Variants in CSTF3 observed in about 807,000 individuals in gnomAD.
CSTF3 encodes cleavage stimulation factor subunit 3, also known as CF-1 77 kDa subunit.
CSTF3 carries 29 observed loss-of-function variants against 105.8 expected under a neutral mutation model. The observed-to-expected ratio is 0.27, with a 90% CI of 0.20 to 0.37. The LOEUF is 0.37. CSTF3 is among the 10% of genes least tolerant of loss of function. The probability of loss-of-function intolerance (pLI) is 1.00; values close to 1 mark genes in which losing one functional copy is unlikely to be tolerated. For synonymous variants in CSTF3, 252 were observed against 281.9 expected (o/e 0.89, Z 1.06); for missense variants, 357 against 879.3 (o/e 0.41, Z 7.51).
chr11:33,154,787 C>T (rs1015441627), intron 1 of CSTF3, among the ~76,000 whole-genome samples: 1 of 152,066 alleles, frequency 6.6e-6, no homozygotes, highest in Admixed American at 6.6e-5. Context: ...GCGTGAGCCA[C>T]GGTGCCGTGC....
At chr11:33,142,073 T>C in intron 1 of CSTF3, 87 bp from the exon 2 acceptor site, 2 of 1,574,328 alleles carry the variant, frequency 1.3e-6, no homozygotes, top group South Asian at 2.3e-5. Flanking sequence ...AGTCCTCAGA[T>C]GCAATGTCAC....
rs187217848 is a variant in CSTF3, at chr11:33,126,249, C to T, written c.225+15418G>A. On this transcript the variant is annotated intron_variant, in intron 3 of 20. Transcript: ENST00000323959. ...CTGAGGCGGGAGGATTGCTTGAGCC[C>T]GAGTTCAAGACTAGGCTGGGCAACT... is the stretch of plus-strand genomic sequence containing the variant. 1.9e-4 allele frequency among the ~76,000 whole-genome samples: 29 copies of T among 152,120 alleles called. 1 individual carries two copies. The East Asian group carries it at 4.6e-3, about 24-fold the overall frequency.
At chr11:33,150,219 T>TAAAAAAAAAAAAAAAAAAAAAAAAA (rs10714096) in intron 1 of CSTF3, among the ~76,000 whole-genome samples, 2 of 104,376 alleles carry the variant, frequency 1.9e-5, no homozygotes, top group East Asian at 2.8e-4. Context: ...TGTCTCAAAC[T>TAAAAAAAAAAAAAAAAAAAAAAAAA]AAAAAAAAAA....
chr11:33,101,321 G>A (rs1188958277), intron 10 of CSTF3, among the ~76,000 whole-genome samples: 1 of 152,168 alleles, frequency 6.6e-6, no homozygotes, highest in African/African-American at 2.4e-5. Flanking sequence ...CATACACAGG[G>A]AAGAATACAA....
chr11:33,091,731 C>G (rs1348959563), intron 16 of CSTF3, among the ~76,000 whole-genome samples: 1 of 152,040 alleles, frequency 6.6e-6, no homozygotes, highest in African/African-American at 2.4e-5. Context: ...GTTGTTGAGA[C>G]AGAGTCTCAC....
At chr11:33,121,209 T>A (rs921593293) in intron 3 of CSTF3, among the ~76,000 whole-genome samples, 13 of 151,882 alleles carry the variant, frequency 8.6e-5, no homozygotes, top group Admixed American at 4.6e-4. Flanking sequence ...AAAGAAAAAA[T>A]TCAGGTAAAT....
chr11:33,085,629 T>C, intron 20 of CSTF3, 84 bp downstream of exon 20: 1 of 1,279,458 alleles, frequency 7.8e-7, no homozygotes, highest in Non-Finnish European at 1.1e-6. Context: ...TTTCGAAAAC[T>C]TCAGTGGCAG....
At chr11:33,121,088 C>T (rs572893510) in intron 3 of CSTF3, among the ~76,000 whole-genome samples, 10 of 152,050 alleles carry the variant, frequency 6.6e-5, no homozygotes, top group African/African-American at 2.4e-4. Flanking sequence ...TGAATGAAAA[C>T]ATGATTTCTA....
intron 16 of CSTF3, among the ~76,000 whole-genome samples, chr11:33,091,072 G>A (rs1052909658): frequency 4.6e-5 from 7 of 152,092 alleles, no homozygotes; most frequent in Non-Finnish European, 1.5e-5. Flanking sequence ...TTACCTTAGA[G>A]AGGATAAACT....
At chr11:33,087,363 T>C (rs1855116630) in intron 17 of CSTF3, among the ~76,000 whole-genome samples, 1 of 152,176 alleles carries the variant, frequency 6.6e-6, no homozygotes, top group Non-Finnish European at 1.5e-5. Context: ...CCACACAAGT[T>C]ACAAGTCATT....
chr11:33,161,267 C>T, intron 1 of CSTF3, 32 bp downstream of exon 1: 1 of 1,612,174 alleles, frequency 6.2e-7, no homozygotes, highest in Non-Finnish European at 8.5e-7. Context: ...GAGAAGAGGT[C>T]GCCACGAGGC....
chr11:33,097,035 G>T, intron 13 of CSTF3, 57 bp from the exon 14 acceptor site: 1 of 1,295,168 alleles, frequency 7.7e-7, no homozygotes, highest in Non-Finnish European at 1.1e-6. Context: ...TCCTGCATAA[G>T]AAAGCAATCC....
intron 3 of CSTF3, among the ~76,000 whole-genome samples, chr11:33,133,035 C>T (rs1590279399): frequency 6.6e-6 from 1 of 151,988 alleles, no homozygotes; most frequent in Middle Eastern, 3.4e-3. Flanking sequence ...AATTGACAGG[C>T]ATCATTTACA....
rs572715766 is a variant in CSTF3 at position 33,093,044 on chromosome 11, A to T, written c.1376-704T>A. Among the ~76,000 whole-genome samples the T allele has an allele frequency of 4.6e-5, 7 of 152,360 alleles. No individual in the cohort carries two copies. The South Asian group carries it at 1.4e-3, about 32-fold the overall frequency. ...ACTACTAACAACCACTGAACTGTAC[A>T]CCTAATGGATGGACTTATAGTATAC... is the stretch of plus-strand genomic sequence containing the variant. On this transcript the variant is annotated intron_variant, in intron 15 of 20. Transcript: ENST00000323959.
chr11:33,135,565 C>T (rs1160714722), intron 3 of CSTF3, among the ~76,000 whole-genome samples: 1 of 152,060 alleles, frequency 6.6e-6, no homozygotes, highest in African/African-American at 2.4e-5. Flanking sequence ...AACTTTGGCT[C>T]CAGGGATAAC....
chr11:33,104,320 T>G (rs140762307), intron 8 of CSTF3, among the ~76,000 whole-genome samples: 2 of 151,770 alleles, frequency 1.3e-5, no homozygotes, highest in Non-Finnish European at 2.9e-5. Flanking sequence ...AATACAGGAG[T>G]TTTACAGAGG....
At chr11:33,117,698 A>G (rs1230723625) in intron 3 of CSTF3, among the ~76,000 whole-genome samples, 1 of 151,864 alleles carries the variant, frequency 6.6e-6, no homozygotes, top group African/African-American at 2.4e-5. Flanking sequence ...TTGAAAGAGT[A>G]CACAGAAAAT....
intron 3 of CSTF3, among the ~76,000 whole-genome samples, chr11:33,128,178 C>T (rs1247487709): frequency 6.6e-6 from 1 of 152,088 alleles, no homozygotes; most frequent in Non-Finnish European, 1.5e-5. Context: ...GTTTTACCTA[C>T]TATGGAAAAT....
chr11:33,111,645 A>C (rs1266173539), intron 3 of CSTF3, among the ~76,000 whole-genome samples: 1 of 152,196 alleles, frequency 6.6e-6, no homozygotes, highest in African/African-American at 2.4e-5. Context: ...AGTAAAAATT[A>C]TGTCTATTAT....
Sources: allele counts gnomAD v4.1 joint callset (sites outside exome capture counted in the v4.1 genomes callset), GRCh38; gene constraint gnomAD v4.1.1; transcripts MANE v1.5; gene names NCBI Gene and HGNC (gene_info 2026-07-23, HGNC 2026-07-21).